The following PLEKHA6 variants were observed in gnomAD, a reference collection of about 807,000 sequenced individuals.
PLEKHA6 encodes the protein pleckstrin homology domain-containing family A member 6.
In PLEKHA6, 60 loss-of-function variants were observed where a neutral mutation model predicts 116.7. The ratio of observed to expected loss-of-function variants is 0.51; its 90% CI spans 0.42 to 0.64. The LOEUF (loss-of-function observed/expected upper bound fraction) is 0.64. PLEKHA6 is among the 30% of genes least tolerant of loss of function. PLEKHA6 has a pLI of 0.00. For missense variants in PLEKHA6, 1,338 were observed against 1,422.7 expected (o/e 0.94, Z 0.96); for synonymous variants, 489 against 556.1 (o/e 0.88, Z 1.70).
chr1:204,338,259 G>A (rs1235996558), intron 1 of PLEKHA6, among the ~76,000 whole-genome samples: 1 of 152,150 alleles, frequency 6.6e-6, no homozygotes, highest in African/African-American at 2.4e-5. Context: ...TACCAAGGAA[G>A]TCCCTTCCCA....
chr1:204,364,730 A>G (rs1673618630), upstream of PLEKHA6, among the ~76,000 whole-genome samples: 1 of 152,134 alleles, frequency 6.6e-6, no homozygotes, highest in Admixed American at 6.5e-5. Flanking sequence ...TTTTCAGTCT[A>G]GGCTACTGGT....
chr1:204,362,291 T>C (rs990563556), upstream of PLEKHA6, among the ~76,000 whole-genome samples: 7 of 152,120 alleles, frequency 4.6e-5, no homozygotes, highest in Non-Finnish European at 1.0e-4. Context: ...ACAACTCCAA[T>C]GGGGAAGGCG....
chr1:204,241,498 T>C lies in PLEKHA6; in HGVS notation c.2303-17A>G, dbSNP rs748955776. Reference sequence around the variant, plus strand: ...CAACGCCAACTGCAGAAAGACAGAGTAGCCAGTGGGCCTCATGGAGAGCAG... The same window carrying C: ...CAACGCCAACTGCAGAAAGACAGAGCAGCCAGTGGGCCTCATGGAGAGCAG... On this transcript the variant is annotated splice_polypyrimidine_tract_variant and intron_variant, in intron 16 of 22. Coordinates refer to ENST00000272203, the MANE Select transcript of PLEKHA6 (RefSeq NM_014935.5). The C allele has an allele frequency of 6.5e-7, 1 of 1,548,440 alleles. No individual in the cohort carries two copies. Among genetic ancestry groups the C allele is most frequent in the Non-Finnish European group, 8.8e-7 (1 of 1,138,958 alleles).
chr1:204,267,854 A>G (rs899248163), intron 4 of PLEKHA6, among the ~76,000 whole-genome samples: 1 of 152,140 alleles, frequency 6.6e-6, no homozygotes, highest in African/African-American at 2.4e-5. Flanking sequence ...TCTGGTGCCA[A>G]TCGGTGGACC....
intron 1 of PLEKHA6, among the ~76,000 whole-genome samples, chr1:204,314,605 G>A (rs1281943428): frequency 6.6e-6 from 1 of 152,206 alleles, no homozygotes; most frequent in African/African-American, 2.4e-5. Context: ...TCACTCTCAG[G>A]TGTCAGATGA....
intron 9 of PLEKHA6, among the ~76,000 whole-genome samples, chr1:204,256,615 G>A (rs1440809626): frequency 6.6e-6 from 1 of 152,152 alleles, no homozygotes; most frequent in Non-Finnish European, 1.5e-5. Flanking sequence ...GGGGTTATTG[G>A]CACCAAACTT....
rs575423599 is a variant in PLEKHA6 at position 204,247,225 on chromosome 1, T to C, written c.1920+140A>G. The stretch of plus-strand genomic sequence containing the variant: ...AGCTTTAACTCCTTCCCCTGTGAGA[T>C]GAACCTAAAGCGTCCCATTATCTTC... On this transcript the variant is annotated intron_variant, in intron 13 of 22. Coordinates refer to ENST00000272203, the MANE Select transcript of PLEKHA6 (RefSeq NM_014935.5). The C allele has an allele frequency of 5.2e-6, 3 of 572,636 alleles. No individual in the cohort carries two copies. In the South Asian group the frequency reaches 6.1e-5, roughly 12 times the overall value. The allele number at this position is 572,636 out of a possible 1,614,324, so 35.5% of individuals were successfully genotyped here. A position where few individuals can be genotyped will look rare whatever the true frequency, so the allele number is the denominator to read the frequency against.
chr1:204,339,567 C>A (rs1672774927), intron 1 of PLEKHA6, among the ~76,000 whole-genome samples: 1 of 152,196 alleles, frequency 6.6e-6, no homozygotes, highest in Non-Finnish European at 1.5e-5. Flanking sequence ...CCCCAAGCCC[C>A]TCCATTCTTC....
intron 15 of PLEKHA6, among the ~76,000 whole-genome samples, chr1:204,243,810 CT>C (rs1236487731): frequency 1.3e-5 from 2 of 152,046 alleles, no homozygotes; most frequent in Non-Finnish European, 2.9e-5. Context: ...TTTTATTTTT[CT>C]TTTTTCTTTT....
chr1:204,330,998 C>A (rs1672426978), intron 1 of PLEKHA6, among the ~76,000 whole-genome samples: 1 of 152,094 alleles, frequency 6.6e-6, no homozygotes, highest in African/African-American at 2.4e-5. Flanking sequence ...AGTTCGAGAC[C>A]AGCCTGGCCA....
intron 1 of PLEKHA6, among the ~76,000 whole-genome samples, chr1:204,336,131 G>A (rs1275819898): frequency 6.6e-6 from 1 of 152,122 alleles, no homozygotes; most frequent in East Asian, 1.9e-4. Flanking sequence ...ACAGCTCTCA[G>A]TGCGGCATCC....
In PLEKHA6 at chr1:204,261,361, C is replaced by A. The variant is rs1201608543; in HGVS notation, c.469G>T (p.Ala157Ser). 1 of 1,614,190 alleles carries A rather than the reference C, an allele frequency of 6.2e-7. No homozygotes were observed. Among genetic ancestry groups the A allele is most frequent in the South Asian group, 1.1e-5 (1 of 91,082 alleles). ...EAWIQAMGEA[A>S]RVQIPPAQKS... ...TGGGCTGGAGGGATCTGTACTCGAG[C>A]AGCCTCCCCCATGGCCTGGATCCAG... Residue 157 changes from alanine (A) to serine (S), a missense_variant, in exon 7 of 23, where the codon GCT (alanine) becomes TCT (serine). Around this residue, in one of 3 missense-constraint regions of PLEKHA6, gnomAD observed 140 missense variants for 197.4 expected, o/e 0.71. Coordinates refer to ENST00000272203, the MANE Select transcript of PLEKHA6 (RefSeq NM_014935.5). This position sits in a 1 kb window ranked among gnomAD's most constrained non-coding sequence, Gnocchi z 4.0.
intron 1 of PLEKHA6, among the ~76,000 whole-genome samples, chr1:204,329,024 T>C (rs1273104890): frequency 6.6e-6 from 1 of 152,150 alleles, no homozygotes; most frequent in Non-Finnish European, 1.5e-5. Flanking sequence ...TTGCACTACT[T>C]CTTGTGTGTG....
chr1:204,348,270 TTC>T (rs1427774413), intron 1 of PLEKHA6, among the ~76,000 whole-genome samples: 4 of 152,196 alleles, frequency 2.6e-5, no homozygotes, highest in Non-Finnish European at 4.4e-5. Context: ...CTCTGCAACC[TTC>T]TCCTCAAGCC....
chr1:204,243,396 C>G (rs1279678372), intron 15 of PLEKHA6: 2 of 398,078 alleles, frequency 5.0e-6, no homozygotes, highest in Non-Finnish European at 8.8e-6. Context: ...CCACTGCACT[C>G]CCACCCGTGG....
At chr1:204,249,836 A>T (rs1354743142) in intron 10 of PLEKHA6, among the ~76,000 whole-genome samples, 1 of 152,188 alleles carries the variant, frequency 6.6e-6, no homozygotes, top group Non-Finnish European at 1.5e-5. Flanking sequence ...GATGGGGAGC[A>T]GACAGGTGAG....
chr1:204,282,675 C>T (rs939565008), intron 1 of PLEKHA6: 40 of 985,268 alleles, frequency 4.1e-5, no homozygotes, highest in African/African-American at 3.0e-4. Flanking sequence ...TGGGGAACTG[C>T]GATTCTACCA....
intron 10 of PLEKHA6, 79 bp from the exon 11 acceptor site, chr1:204,249,343 T>C (rs1382135383): frequency 2.8e-6 from 3 of 1,068,586 alleles, no homozygotes; most frequent in African/African-American, 3.1e-5. Flanking sequence ...CTGGGAGTTA[T>C]AGGCCTGGCC....
At position 204,257,618 on chromosome 1, in the gene PLEKHA6, G is replaced by T. The variant is rs1665517232; in HGVS notation, c.1259C>A (p.Ala420Asp). ...KEPASYGRQD[A>D]TVWIPSPSRQ... ...GGAGGGGCTTGGGATCCAGACGGTGGCATCCTGCCGCCCGTAGCTGGCGGG... is the reference window on the plus strand; with the variant it reads ...GGAGGGGCTTGGGATCCAGACGGTGTCATCCTGCCGCCCGTAGCTGGCGGG... Residue 420 changes from alanine to aspartate, a missense_variant, in exon 9 of 23, where the codon GCC becomes GAC. Physicochemically the swap from Ala to Asp is moderately radical, Grantham distance 126. Coordinates refer to ENST00000272203, the MANE Select transcript of PLEKHA6 (RefSeq NM_014935.5). This position sits in a 1 kb window ranked among gnomAD's most constrained non-coding sequence, Gnocchi z 6.5. 3 of 1,609,134 alleles carry T rather than the reference G, an allele frequency of 1.9e-6. No individual in the cohort carries two copies. Among genetic ancestry groups the T allele is most frequent in the Non-Finnish European group, 2.5e-6 (3 of 1,178,256 alleles).
Sources: gnomAD v4.1 joint callset for allele counts (sites outside exome capture counted in the v4.1 genomes callset) on GRCh38, gnomAD v4.1.1 for gene constraint, gnomAD v4.1.1 regional missense constraint, Gnocchi (gnomAD v3.1) non-coding constraint, MANE v1.5 for transcripts, NCBI Gene and HGNC (gene_info 2026-07-23, HGNC 2026-07-21) for gene names.